EGFLAM: variants seen among roughly 807,000 people sequenced by gnomAD.
The protein encoded by EGFLAM is pikachurin.
In EGFLAM, 79 loss-of-function variants were observed where a neutral mutation model predicts 113.1. The observed-to-expected ratio is 0.70, with a 90% CI of 0.58 to 0.84. The LOEUF (loss-of-function observed/expected upper bound fraction) is 0.84. Among genes scored for constraint, EGFLAM ranks in the 40% least tolerant of loss-of-function variants. EGFLAM has a pLI of 0.00. For missense variants in EGFLAM, 1,265 were observed against 1,291.6 expected (o/e 0.98, Z 0.32); for synonymous variants, 504 against 487.6 (o/e 1.03, Z -0.44).
intron 5 of EGFLAM, among the ~76,000 whole-genome samples, chr5:38,354,679 G>A (rs1235546312): frequency 6.6e-6 from 1 of 151,940 alleles, no homozygotes; most frequent in East Asian, 1.9e-4. Context: ...GCAGTGAGCC[G>A]AGATTACACC....
At chr5:38,445,405 ATCT>A (rs1561098118) in intron 17 of EGFLAM, 2 of 1,196,540 alleles carry the variant, frequency 1.7e-6, no homozygotes, top group Non-Finnish European at 2.2e-6. Flanking sequence ...GATTCTAAAC[ATCT>A]TCTTGGTCCA....
At chr5:38,284,088 C>A (rs183584935) in intron 1 of EGFLAM, 11 of 152,406 alleles carry the variant, frequency 7.2e-5, no homozygotes, top group African/African-American at 2.2e-4. Flanking sequence ...TCAGCCGACT[C>A]CAAAGTGAGG....
At chr5:38,272,942 G>T (rs1757800885) in intron 1 of EGFLAM, among the ~76,000 whole-genome samples, 1 of 152,078 alleles carries the variant, frequency 6.6e-6, no homozygotes, top group Admixed American at 6.6e-5. Context: ...GAGGAGGATG[G>T]TATAAGATGG....
intron 1 of EGFLAM, among the ~76,000 whole-genome samples, chr5:38,306,630 A>G (rs1758723751): frequency 1.3e-5 from 2 of 152,212 alleles, no homozygotes; most frequent in South Asian, 4.1e-4. Flanking sequence ...GGAATATACA[A>G]TTTTCCTCAG....
chr5:38,383,003 T>C (rs1740554470), intron 6 of EGFLAM, among the ~76,000 whole-genome samples: 1 of 152,142 alleles, frequency 6.6e-6, no homozygotes, highest in Non-Finnish European at 1.5e-5. Flanking sequence ...GTATCAACAG[T>C]CATCCAGCAG....
intron 6 of EGFLAM, among the ~76,000 whole-genome samples, chr5:38,391,768 C>T (rs1400099457): frequency 9.2e-5 from 14 of 151,880 alleles, no homozygotes; most frequent in Admixed American, 9.2e-4. Flanking sequence ...TCCTCATTGT[C>T]CTTCACAATG....
chr5:38,406,333 A>T, intron 7 of EGFLAM, 92 bp downstream of exon 7: 1 of 1,124,238 alleles, frequency 8.9e-7, no homozygotes, highest in Non-Finnish European at 1.3e-6. Context: ...CATTTTACTT[A>T]AAACTTAAAT....
intron 5 of EGFLAM, among the ~76,000 whole-genome samples, chr5:38,363,757 A>G (rs982333935): frequency 6.6e-6 from 1 of 152,214 alleles, no homozygotes; most frequent in African/African-American, 2.4e-5. Flanking sequence ...GAAGGCGTTC[A>G]TAGGCTTCAT....
intron 1 of EGFLAM, among the ~76,000 whole-genome samples, chr5:38,275,803 C>A (rs184669604): frequency 1.2e-3 from 181 of 152,172 alleles, no homozygotes; most frequent in Admixed American, 2.7e-3. Flanking sequence ...CTTCAGGATA[C>A]ATTATATATT....
intron 1 of EGFLAM, among the ~76,000 whole-genome samples, chr5:38,317,956 A>G (rs1269787312): frequency 2.0e-4 from 30 of 152,174 alleles, no homozygotes; most frequent in Non-Finnish European, 2.9e-5. Context: ...CCGGAGAGAA[A>G]CCTGATCCTG....
chr5:38,354,623 A>G (rs1739715622), intron 5 of EGFLAM, among the ~76,000 whole-genome samples: 1 of 152,096 alleles, frequency 6.6e-6, no homozygotes, highest in Non-Finnish European at 1.5e-5. Context: ...CCACCTACTC[A>G]GGAGGCTGAG....
intron 1 of EGFLAM, among the ~76,000 whole-genome samples, chr5:38,287,694 A>C (rs536683218): frequency 6.6e-6 from 1 of 152,248 alleles, no homozygotes; most frequent in Admixed American, 6.5e-5. Context: ...TTTCTATTTA[A>C]TGACTGGTAA....
intron 1 of EGFLAM, among the ~76,000 whole-genome samples, chr5:38,312,577 A>G (rs1273574351): frequency 1.3e-5 from 2 of 152,100 alleles, no homozygotes; most frequent in African/African-American, 4.8e-5. Context: ...GATGATAATA[A>G]CACCTACAGG....
chr5:38,263,526 G>A (rs1393082621), intron 1 of EGFLAM, among the ~76,000 whole-genome samples: 2 of 152,112 alleles, frequency 1.3e-5, no homozygotes, highest in Admixed American at 6.6e-5. Flanking sequence ...AGTGTTTTTT[G>A]TATGTTCTGG....
At chr5:38,306,007 C>A (rs1433579339) in intron 1 of EGFLAM, among the ~76,000 whole-genome samples, 1 of 152,140 alleles carries the variant, frequency 6.6e-6, no homozygotes, top group Non-Finnish European at 1.5e-5. Context: ...TTATGTGAGC[C>A]AAGAGGTAGC....
rs754990470 is a variant in EGFLAM, at chr5:38,445,748, T to C, written c.2465-2553T>C. The C allele has an allele frequency of 1.6e-5, 26 of 1,590,684 alleles. No homozygotes were observed. The South Asian group carries it at 2.4e-4, about 15-fold the overall frequency. Reference sequence around the variant, plus strand: ...GAGAAACTGCGAGAGCGCTCTGGGCTGGGGCAGGCCAACCGCATGCAGGGG... The same window carrying C: ...GAGAAACTGCGAGAGCGCTCTGGGCCGGGGCAGGCCAACCGCATGCAGGGG... On this transcript the variant is annotated intron_variant, in intron 17 of 21. Transcript: ENST00000322350.
intron 1 of EGFLAM, among the ~76,000 whole-genome samples, chr5:38,259,859 A>T (rs1448018078): frequency 6.6e-6 from 1 of 152,216 alleles, no homozygotes; most frequent in African/African-American, 2.4e-5. Flanking sequence ...AAGCTAGGAA[A>T]ATTTATCAGA....
At chr5:38,295,818 G>A (rs1356702153) in intron 1 of EGFLAM, among the ~76,000 whole-genome samples, 3 of 152,190 alleles carry the variant, frequency 2.0e-5, no homozygotes, top group Non-Finnish European at 4.4e-5. Flanking sequence ...TCAATTGATA[G>A]TGGGTTAAAA....
intron 6 of EGFLAM, among the ~76,000 whole-genome samples, chr5:38,385,189 G>A (rs1365294700): frequency 6.6e-6 from 1 of 151,544 alleles, no homozygotes; most frequent in African/African-American, 2.4e-5. Context: ...ATAAGTGTAT[G>A]CAATTTACAT....
Sources: gnomAD v4.1 joint callset for allele counts (sites outside exome capture counted in the v4.1 genomes callset) on GRCh38, gnomAD v4.1.1 for gene constraint, MANE v1.5 for transcripts, NCBI Gene and HGNC (gene_info 2026-07-23, HGNC 2026-07-21) for gene names.